Variants in CCNT2 observed in about 807,000 individuals in gnomAD.
The protein encoded by CCNT2 is cyclin T2, also known as cyclin-T2.
In CCNT2, 18 loss-of-function variants were observed where a neutral mutation model predicts 70.0. That is an observed-to-expected ratio of 0.26 (90% CI 0.18 to 0.38). The LOEUF is 0.38. CCNT2 is among the 10% of genes least tolerant of loss of function. The probability of loss-of-function intolerance (pLI) is 1.00; values close to 1 mark genes in which losing one functional copy is unlikely to be tolerated. For missense variants in CCNT2, 734 were observed against 890.2 expected (o/e 0.82, Z 2.23); for synonymous variants, 334 against 313.3 (o/e 1.07, Z -0.70).
At chr2:134,920,533 A>G (rs912111105) in intron 2 of CCNT2, among the ~76,000 whole-genome samples, 4 of 152,182 alleles carry the variant, frequency 2.6e-5, no homozygotes, top group Admixed American at 6.5e-5. Flanking sequence ...ATAACCTGTA[A>G]ACCTTGACAA....
intron 2 of CCNT2, among the ~76,000 whole-genome samples, chr2:134,921,860 G>T (rs1015781722): frequency 6.6e-6 from 1 of 152,104 alleles, no homozygotes; most frequent in African/African-American, 2.4e-5. Flanking sequence ...ATGTCTTATT[G>T]TGTATGAAGG....
intron 2 of CCNT2, among the ~76,000 whole-genome samples, chr2:134,932,830 C>T (rs1465004914): frequency 6.6e-6 from 1 of 152,146 alleles, no homozygotes; most frequent in African/African-American, 2.4e-5. Context: ...CTTGTCTTTC[C>T]TCTACTTTCC....
rs1177596534 is a variant in CCNT2 at position 134,954,628 on chromosome 2, G to C, written c.2173G>C (p.Ala725Pro). The C allele has an allele frequency of 1.9e-6, 3 of 1,603,308 alleles. No homozygotes were observed. In the South Asian group the frequency reaches 3.3e-5, roughly 18 times the overall value. ...TFDMLDSLLS[A>P]QGMNM The stretch of plus-strand genomic sequence containing the variant: ...CGACATGCTGGACTCACTGTTAAGT[G>C]CCCAAGGAATGAACATGTAATAATT... Residue 725 changes from alanine (A) to proline (P), a missense_variant, in exon 9 of 9, where the codon GCC (alanine) becomes CCC (proline). Coordinates refer to ENST00000264157, the MANE Select transcript of CCNT2 (RefSeq NM_058241.3).
intron 2 of CCNT2, among the ~76,000 whole-genome samples, chr2:134,930,906 T>C (rs563530519): frequency 1.2e-4 from 19 of 152,288 alleles, no homozygotes; most frequent in African/African-American, 4.6e-4. Flanking sequence ...GATTTAGCTC[T>C]TACATTTAGG....
At chr2:134,926,656 T>G (rs1279265173) in intron 2 of CCNT2, among the ~76,000 whole-genome samples, 1 of 152,246 alleles carries the variant, frequency 6.6e-6, no homozygotes, top group East Asian at 1.9e-4. Context: ...TTTGAGGTTC[T>G]TCTTATATCA....
At chr2:134,952,516 G>C in intron 7 of CCNT2, 125 bp from the exon 8 acceptor site, 1 of 554,076 alleles carries the variant, frequency 1.8e-6, no homozygotes, top group Admixed American at 3.7e-5. Context: ...GTATGCTGAG[G>C]ATTTAATAGG....
rs886522506 is a variant in CCNT2 at position 134,955,968 on chromosome 2, G to A, written c.*1320G>A. ...CACATCTCAGTATATTTCTGTTGAG[G>A]TAAAGTTTGCACAGTCATCTGACTT... On this transcript the variant is annotated 3_prime_UTR_variant, in exon 9 of 9. Coordinates refer to ENST00000264157, the MANE Select transcript of CCNT2 (RefSeq NM_058241.3). The A allele has an allele frequency of 2.0e-5, 3 of 152,626 alleles. No homozygotes were observed. The highest frequency in any genetic ancestry group is 7.2e-5 in the African/African-American group (3 of 41,442). 9.5% of individuals were successfully genotyped at this position (152,626 alleles called of 1,614,324 possible).
Position 134,953,535 on chromosome 2 carries a change from A to G in CCNT2, c.1080A>G (p.Thr360=). The G allele has an allele frequency of 1.2e-6, 2 of 1,614,248 alleles. No individual in the cohort carries two copies. Among genetic ancestry groups the G allele is most frequent in the Non-Finnish European group, 1.7e-6 (2 of 1,180,038 alleles). The change falls in exon 9 of 9, where the codon ACA becomes ACG. Residue 360 remains threonine, a synonymous_variant. Transcript: ENST00000264157. Reference sequence around the variant, plus strand: ...CTCAACATCAAGACTCAGCAAGGACAGAACAGCTATATTCACAGAAACAGG... The same window carrying G: ...CTCAACATCAAGACTCAGCAAGGACGGAACAGCTATATTCACAGAAACAGG... ...EWPQHQDSAR[T]EQLYSQKQET...
intron 2 of CCNT2, among the ~76,000 whole-genome samples, chr2:134,932,258 C>A (rs1467600108): frequency 6.6e-6 from 1 of 152,160 alleles, no homozygotes; most frequent in Non-Finnish European, 1.5e-5. Context: ...GTCTTGGCAT[C>A]CCGAAGTGCT....
chr2:134,922,768 A>G (rs77964142), intron 2 of CCNT2, among the ~76,000 whole-genome samples: 335 of 152,186 alleles, frequency 2.2e-3, no homozygotes, highest in African/African-American at 7.7e-3. Flanking sequence ...ACAAACTCCT[A>G]ATTTGGTCTT....
chr2:134,930,480 T>G (rs1416873343), intron 2 of CCNT2, among the ~76,000 whole-genome samples: 1 of 152,240 alleles, frequency 6.6e-6, no homozygotes, highest in Non-Finnish European at 1.5e-5. Context: ...AGTTTTTATG[T>G]GAACATATGT....
In CCNT2 at chr2:134,942,599, C is replaced by CT; in HGVS notation, c.431-11dup. Reference sequence around the variant, plus strand: ...TGGTAAGAGATTGGAAAAAAAAGTGCTTATCATTTCAGGTTTTGAGATCAC... The same window carrying CT: ...TGGTAAGAGATTGGAAAAAAAAGTGCTTTATCATTTCAGGTTTTGAGATCAC... On this transcript the variant is annotated splice_polypyrimidine_tract_variant and intron_variant, in intron 4 of 8. Coordinates refer to ENST00000264157, the MANE Select transcript of CCNT2 (RefSeq NM_058241.3). The CT allele has an allele frequency of 6.2e-7, 1 of 1,606,268 alleles. No homozygotes were observed.
At chr2:134,924,639 G>A (rs1008957320) in intron 2 of CCNT2, among the ~76,000 whole-genome samples, 1 of 151,982 alleles carries the variant, frequency 6.6e-6, no homozygotes, top group African/African-American at 2.4e-5. Context: ...TAGTAGAGAC[G>A]GGTTTTCACC....
At position 134,958,629 on chromosome 2, in the gene CCNT2, T is replaced by C. The variant is rs1040655242; in HGVS notation, c.*3981T>C. On this transcript the variant is annotated 3_prime_UTR_variant, in exon 9 of 9. Transcript: ENST00000264157. ...AGAAATCAGTGAGCAACCTAATTGCTGTAAGCTGACATACATGGAAGCCGA... is the reference window on the plus strand; with the variant it reads ...AGAAATCAGTGAGCAACCTAATTGCCGTAAGCTGACATACATGGAAGCCGA... 23 of 152,376 alleles carry C rather than the reference T, an allele frequency of 1.5e-4. No homozygotes were observed. The highest frequency in any genetic ancestry group is 2.8e-4 in the Non-Finnish European group (19 of 68,034). 9.4% of individuals were successfully genotyped at this position (152,376 alleles called of 1,614,324 possible).
intron 6 of CCNT2, among the ~76,000 whole-genome samples, chr2:134,947,271 C>T (rs568448279): frequency 6.6e-6 from 1 of 152,272 alleles, no homozygotes; most frequent in East Asian, 1.9e-4. Flanking sequence ...AAGCAAATGC[C>T]TATTAAGCCA....
chr2:134,928,783 A>G (rs1680502620), intron 2 of CCNT2, among the ~76,000 whole-genome samples: 3 of 152,214 alleles, frequency 2.0e-5, no homozygotes, highest in Non-Finnish European at 2.9e-5. Flanking sequence ...TCGGAAGATA[A>G]TGAAACTTTA....
Position 134,932,947 on chromosome 2 carries a change from A to G in CCNT2, c.241-3894A>G, listed in dbSNP as rs150696084. On this transcript the variant is annotated intron_variant, in intron 2 of 8. Transcript: ENST00000264157. ...AAGAAAGTTCCAATTTCTGAGCTGT[A>G]ATAGTCTGACTAGAGCTTGCTGAAT... 2.1e-3 allele frequency among the ~76,000 whole-genome samples: 316 copies of G among 152,330 alleles called. 2 individuals carry two copies. Among genetic ancestry groups the G allele is most frequent in the African/African-American group, 7.2e-3 (300 of 41,574 alleles).
At chr2:134,952,607 C>T (rs2105088771) in intron 7 of CCNT2, 34 bp from the exon 8 acceptor site, 3 of 1,325,556 alleles carry the variant, frequency 2.3e-6, no homozygotes, top group East Asian at 2.3e-5. Context: ...CCTAAAGGCA[C>T]CTTCTAAGTT....
intron 8 of CCNT2, 189 bp from the exon 9 acceptor site, chr2:134,953,041 T>C (rs999488489): frequency 4.0e-6 from 2 of 504,382 alleles, no homozygotes; most frequent in Non-Finnish European, 6.9e-6. Context: ...ATGGGTGTTT[T>C]CAATTTTTTA....
Sources: allele counts gnomAD v4.1 joint callset (sites outside exome capture counted in the v4.1 genomes callset), GRCh38; gene constraint gnomAD v4.1.1; transcripts MANE v1.5; gene names NCBI Gene and HGNC (gene_info 2026-07-23, HGNC 2026-07-21).